The following LYSMD1 variants were observed in gnomAD, a reference collection of about 807,000 sequenced individuals.
LYSMD1 encodes the protein LysM domain containing 1, also known as lysM and putative peptidoglycan-binding domain-containing protein 1.
Under a neutral mutation model 19.3 loss-of-function variants are expected in LYSMD1, and 9 were observed. That is an observed-to-expected ratio of 0.47 (90% CI 0.28 to 0.81). LYSMD1 has a LOEUF of 0.81. LYSMD1 is among the 40% of genes least tolerant of loss of function. The pLI is 0.11. For synonymous variants in LYSMD1, 111 were observed against 111.7 expected (o/e 0.99, Z 0.04); for missense variants, 262 against 279.8 (o/e 0.94, Z 0.45).
chr1:151,164,154 A>G (rs1224086069), intron 1 of LYSMD1, among the ~76,000 whole-genome samples: 1 of 152,008 alleles, frequency 6.6e-6, no homozygotes, highest in Non-Finnish European at 1.5e-5. Context: ...TCTGCCTCCC[A>G]AAGTGCTGGG....
chr1:151,149,946 T>C, the LYSMD1 span, among the ~76,000 whole-genome samples: 1 of 152,176 alleles, frequency 6.6e-6, no homozygotes, highest in East Asian at 1.9e-4. Context: ...AACTTTTTGC[T>C]CCCTACAGAT....
downstream of LYSMD1, among the ~76,000 whole-genome samples, chr1:151,157,201 TG>T (rs1320011296): frequency 6.6e-6 from 1 of 152,116 alleles, no homozygotes; most frequent in Non-Finnish European, 1.5e-5. Context: ...CTCTTCCGGC[TG>T]GGGAGCATGG....
At chr1:151,161,508 AAAAT>A (rs1321964126) in intron 2 of LYSMD1, among the ~76,000 whole-genome samples, 1 of 152,072 alleles carries the variant, frequency 6.6e-6, no homozygotes, top group African/African-American at 2.4e-5. Context: ...AAAAAAAAAA[AAAAT>A]AGTTAACTGT....
In LYSMD1 at chr1:151,165,394, C is replaced by T; in HGVS notation, c.-136G>A. ...TCTCTTCCCCTGTGTCCCCGCCTCC[C>T]CAGCACTACGCCATCTGCCCCCTCC... On this transcript the variant is annotated 5_prime_UTR_variant, in exon 1 of 3. Coordinates refer to ENST00000368908, the MANE Select transcript of LYSMD1 (RefSeq NM_212551.5). 2 of 1,454,338 alleles carry T rather than the reference C, an allele frequency of 1.4e-6. No homozygotes were observed. The highest frequency in any genetic ancestry group is 1.8e-6 in the Non-Finnish European group (2 of 1,106,662). The allele number at this position is 1,454,338 out of a possible 1,614,324, so 90.1% of individuals were successfully genotyped here.
At chr1:151,154,921 G>A (rs587711503), downstream of LYSMD1, among the ~76,000 whole-genome samples, 8 of 152,308 alleles carry the variant, frequency 5.3e-5, no homozygotes, top group Non-Finnish European at 1.0e-4. Flanking sequence ...TGGGATTACA[G>A]GTGTGAGCCA....
At position 151,165,755 on chromosome 1, in the gene LYSMD1, C is replaced by G; in HGVS notation, c.-497G>C. On this transcript the variant is annotated 5_prime_UTR_variant, in exon 1 of 3. Coordinates refer to ENST00000368908, the MANE Select transcript of LYSMD1 (RefSeq NM_212551.5). Reference sequence around the variant, plus strand: ...AAGAATTTGTAGTACACCTTCCACTCAGAGATCCTCAAAGGTCCGCTCCGC... The same window carrying G: ...AAGAATTTGTAGTACACCTTCCACTGAGAGATCCTCAAAGGTCCGCTCCGC... 3 of 1,551,736 alleles carry G rather than the reference C, an allele frequency of 1.9e-6. No individual in the cohort carries two copies. Among genetic ancestry groups the G allele is most frequent in the Non-Finnish European group, 2.6e-6 (3 of 1,146,996 alleles).
chr1:151,150,863 C>T, the LYSMD1 span, among the ~76,000 whole-genome samples: 8 of 151,728 alleles, frequency 5.3e-5, no homozygotes, highest in Middle Eastern at 0.01. Context: ...CTCAGCCTCC[C>T]GAGTAGCTGG....
At chr1:151,162,923 A>T (rs773394226) in intron 1 of LYSMD1, among the ~76,000 whole-genome samples, 15 of 152,132 alleles carry the variant, frequency 9.9e-5, no homozygotes, top group Non-Finnish European at 1.9e-4. Flanking sequence ...CTATCTTTCT[A>T]AAAAAATAAA....
At chr1:151,155,304 T>A (rs1683194765), downstream of LYSMD1, among the ~76,000 whole-genome samples, 1 of 152,232 alleles carries the variant, frequency 6.6e-6, no homozygotes, top group Non-Finnish European at 1.5e-5. Flanking sequence ...GCTTCTTTAC[T>A]CTCAAAATTA....
At chr1:151,152,517 T>C in the LYSMD1 span, among the ~76,000 whole-genome samples, 1 of 150,424 alleles carries the variant, frequency 6.6e-6, no homozygotes, top group Non-Finnish European at 1.5e-5. Flanking sequence ...CTGGCCAACA[T>C]AGTGAAACCC....
the LYSMD1 span, among the ~76,000 whole-genome samples, chr1:151,154,085 G>C: frequency 6.6e-6 from 1 of 152,064 alleles, no homozygotes; most frequent in Non-Finnish European, 1.5e-5. Flanking sequence ...GATATGTTTT[G>C]ACTTTATTCT....
the LYSMD1 span, among the ~76,000 whole-genome samples, chr1:151,152,806 ACT>A: frequency 6.6e-6 from 1 of 152,066 alleles, no homozygotes; most frequent in South Asian, 2.1e-4. Context: ...CACTAAACTT[ACT>A]CTTTCTGAAC....
chr1:151,157,203 G>C (rs1329573182), downstream of LYSMD1, among the ~76,000 whole-genome samples: 1 of 152,166 alleles, frequency 6.6e-6, no homozygotes, highest in East Asian at 1.9e-4. Flanking sequence ...CTTCCGGCTG[G>C]GGAGCATGGT....
intron 1 of LYSMD1, among the ~76,000 whole-genome samples, chr1:151,164,736 T>C (rs1683599458): frequency 6.6e-6 from 1 of 152,232 alleles, no homozygotes; most frequent in Non-Finnish European, 1.5e-5. Flanking sequence ...CGCTCATTAT[T>C]TGACCTTAGC....
downstream of LYSMD1, chr1:151,159,128 G>T (rs199843185): frequency 1.5e-5 from 24 of 1,614,124 alleles, no homozygotes; most frequent in East Asian, 1.3e-4. Flanking sequence ...GGCCGCATCC[G>T]CCACGTGTTT....
the LYSMD1 span, among the ~76,000 whole-genome samples, chr1:151,149,514 C>A: frequency 6.6e-6 from 1 of 152,200 alleles, no homozygotes; most frequent in African/African-American, 2.4e-5. Context: ...CTTTGGGAGG[C>A]TGAGGCGGGT....
At chr1:151,162,404 T>C (rs988271081) in intron 1 of LYSMD1, among the ~76,000 whole-genome samples, 6 of 151,968 alleles carry the variant, frequency 3.9e-5, no homozygotes, top group African/African-American at 1.5e-4. Flanking sequence ...CCAGCCTGAG[T>C]AATATAGTGA....
chr1:151,162,452 GAATA>G (rs1475869197), intron 1 of LYSMD1, among the ~76,000 whole-genome samples: 3 of 151,922 alleles, frequency 2.0e-5, no homozygotes, highest in Non-Finnish European at 4.4e-5. Context: ...AAAAATAAAT[GAATA>G]AATAAATTAA....
the LYSMD1 span, among the ~76,000 whole-genome samples, chr1:151,151,356 AT>A: frequency 0.29 from 40,306 of 137,466 alleles, 6,828 homozygotes; most frequent in African/African-American, 0.51. Context: ...TGCCCAGCTA[AT>A]TTTTTTTTTT....
Sources: allele counts gnomAD v4.1 joint callset (sites outside exome capture counted in the v4.1 genomes callset), GRCh38; gene constraint gnomAD v4.1.1; transcripts MANE v1.5; gene names NCBI Gene and HGNC (gene_info 2026-07-23, HGNC 2026-07-21).